Variants in CSMD1 observed in about 807,000 individuals in gnomAD.
The protein encoded by CSMD1 is CUB and Sushi multiple domains 1.
CSMD1 carries 213 observed loss-of-function variants against 417.5 expected under a neutral mutation model. The observed-to-expected ratio is 0.51, with a 90% CI of 0.46 to 0.57. The LOEUF (loss-of-function observed/expected upper bound fraction) is 0.57, where lower values mean the gene tolerates loss of function less well. Ranked by LOEUF, CSMD1 falls within the 20% of genes least tolerant of loss-of-function variation. The probability of loss-of-function intolerance (pLI) is 0.00; values close to 1 mark genes in which losing one functional copy is unlikely to be tolerated. For missense variants in CSMD1, 6,923 were observed against 4,529.7 expected, an observed-to-expected ratio of 1.53 and a Z score of -15.17; for synonymous variants, 2,862 against 1,736.8, an observed-to-expected ratio of 1.65 and a Z score of -16.11.
intron 23 of CSMD1, among the ~76,000 whole-genome samples, chr8:3,321,535 C>T (rs184765098): frequency 2.0e-5 from 3 of 152,136 alleles, no homozygotes; most frequent in Non-Finnish European, 4.4e-5. Context: ...GCAAATACCC[C>T]ATTACTTCGT....
At chr8:4,907,053 G>T (rs1805329539) in intron 1 of CSMD1, among the ~76,000 whole-genome samples, 1 of 152,130 alleles carries the variant, frequency 6.6e-6, no homozygotes. Context: ...CAACATAACA[G>T]TGAGAGAATG....
chr8:4,491,232 C>T (rs1154089), intron 2 of CSMD1, among the ~76,000 whole-genome samples: 143,399 of 152,200 alleles, frequency 0.94, 67,639 homozygotes, highest in East Asian at 1. Flanking sequence ...AACTTCAATA[C>T]TAAAAAGAAG....
chr8:3,701,272 T>C (rs1435765772), intron 7 of CSMD1, among the ~76,000 whole-genome samples: 4 of 152,174 alleles, frequency 2.6e-5, no homozygotes, highest in Admixed American at 6.5e-5. Context: ...TCGGGACAAC[T>C]TTCCGAAGAT....
intron 33 of CSMD1, among the ~76,000 whole-genome samples, chr8:3,196,589 C>T (rs959268384): frequency 6.6e-6 from 1 of 152,176 alleles, no homozygotes; most frequent in Non-Finnish European, 1.5e-5. Flanking sequence ...ATGCCAGCTT[C>T]TCACCATAGC....
intron 2 of CSMD1, among the ~76,000 whole-genome samples, chr8:4,588,724 G>T (rs1799832825): frequency 6.6e-6 from 1 of 151,626 alleles, no homozygotes; most frequent in African/African-American, 2.4e-5. Context: ...GGCAGAGGTT[G>T]CAGTAAGCCG....
At chr8:4,112,446 C>A (rs1231945674) in intron 3 of CSMD1, among the ~76,000 whole-genome samples, 2 of 152,300 alleles carry the variant, frequency 1.3e-5, no homozygotes, top group South Asian at 2.1e-4. Flanking sequence ...GATGTGTTCC[C>A]TCCCCATTCT....
At chr8:4,599,995 A>G (rs1284842478) in intron 2 of CSMD1, among the ~76,000 whole-genome samples, 1 of 152,180 alleles carries the variant, frequency 6.6e-6, no homozygotes, top group African/African-American at 2.4e-5. Context: ...CACTGTGATA[A>G]CTAGAAATGA....
chr8:4,430,314 A>G (rs761823109), intron 2 of CSMD1, among the ~76,000 whole-genome samples: 33 of 152,174 alleles, frequency 2.2e-4, no homozygotes, highest in Non-Finnish European at 3.7e-4. Context: ...AAACCACTGC[A>G]TATTGCTTTA....
chr8:3,624,804 G>C (rs975343269), intron 7 of CSMD1, among the ~76,000 whole-genome samples: 8 of 152,116 alleles, frequency 5.3e-5, no homozygotes, highest in Non-Finnish European at 8.8e-5. Context: ...TTTTACTTCA[G>C]CATTTTGTAG....
chr8:3,582,924 C>T (rs1451777951), intron 9 of CSMD1, among the ~76,000 whole-genome samples: 2 of 152,138 alleles, frequency 1.3e-5, no homozygotes. Flanking sequence ...CTTAGGTGCT[C>T]CTGTGAAGGG....
chr8:3,704,960 CTTTTA>C (rs1325502319), intron 7 of CSMD1: 3 of 152,176 alleles, frequency 2.0e-5, no homozygotes, highest in African/African-American at 7.2e-5. Flanking sequence ...TTTGTTTTTA[CTTTTA>C]TTTTTTAACA....
rs561264411 is a variant in CSMD1 at position 2,990,185 on chromosome 8, C to T, written c.8377+7826G>A. On this transcript the variant is annotated intron_variant, in intron 54 of 69. Transcript: ENST00000635120. The stretch of plus-strand genomic sequence containing the variant: ...AAGAGTTTGATTAAAGCTGTTGAAT[C>T]TTTCCTTAAGTCCTTGCAGCTGCAT... Among the ~76,000 whole-genome samples the T allele has an allele frequency of 4.6e-5, 7 of 152,338 alleles. No homozygotes were observed. The East Asian group carries it at 1.4e-3, about 29-fold the overall frequency.
chr8:3,534,525 A>T (rs928333192), intron 10 of CSMD1, among the ~76,000 whole-genome samples: 4 of 151,998 alleles, frequency 2.6e-5, no homozygotes, highest in Non-Finnish European at 5.9e-5. Flanking sequence ...TTACAAAAAA[A>T]AAAAAAAAAA....
chr8:3,389,803 A>C (rs533424451), intron 17 of CSMD1, among the ~76,000 whole-genome samples: 1 of 152,274 alleles, frequency 6.6e-6, no homozygotes, highest in South Asian at 2.1e-4. Context: ...AACTGAATAA[A>C]CTCTTAAGGT....
chr8:4,388,495 T>C (rs1347224862), intron 3 of CSMD1, among the ~76,000 whole-genome samples: 1 of 150,332 alleles, frequency 6.7e-6, no homozygotes, highest in Admixed American at 6.6e-5. Flanking sequence ...ATGTGGGAGG[T>C]AAGTTGTGAG....
At chr8:3,950,019 C>T (rs1811500307) in intron 5 of CSMD1, 2 of 455,838 alleles carry the variant, frequency 4.4e-6, no homozygotes, top group Non-Finnish European at 8.8e-6. Flanking sequence ...GGGTCCACGG[C>T]ATTTCCTGTG....
At chr8:3,764,362 A>G (rs575374494) in intron 5 of CSMD1, among the ~76,000 whole-genome samples, 1 of 152,272 alleles carries the variant, frequency 6.6e-6, no homozygotes, top group East Asian at 1.9e-4. Flanking sequence ...TCTAAACCAC[A>G]TTACATAACT....
chr8:3,965,789 T>G (rs71521894), intron 5 of CSMD1, among the ~76,000 whole-genome samples: 5,582 of 152,004 alleles, frequency 0.037, 122 homozygotes, highest in East Asian at 0.087. Flanking sequence ...GGCTAATATT[T>G]TGTACCTTTA....
chr8:4,767,942 T>A (rs1280734406), intron 1 of CSMD1, among the ~76,000 whole-genome samples: 1 of 152,146 alleles, frequency 6.6e-6, no homozygotes, highest in African/African-American at 2.4e-5. Context: ...AAATTTTGCA[T>A]CCTTCGTACT....
Sources: allele counts gnomAD v4.1 joint callset (sites outside exome capture counted in the v4.1 genomes callset), GRCh38; gene constraint gnomAD v4.1.1; transcripts MANE v1.5; gene names NCBI Gene and HGNC (gene_info 2026-07-23, HGNC 2026-07-21).